HHIP: variants seen among roughly 807,000 people sequenced by gnomAD.
HHIP encodes hedgehog interacting protein.
In HHIP, 12 loss-of-function variants were observed where a neutral mutation model predicts 74.0. The observed-to-expected ratio is 0.16, with a 90% confidence interval of 0.10 to 0.26. The LOEUF (loss-of-function observed/expected upper bound fraction) is 0.26. Among genes scored for constraint, HHIP ranks in the 10% least tolerant of loss-of-function variants. The pLI is 1.00. For synonymous variants in HHIP, 309 were observed against 311.6 expected, an observed-to-expected ratio of 0.99 and a Z score of 0.09; for missense variants, 788 against 845.0, an observed-to-expected ratio of 0.93 and a Z score of 0.84.
chr4:144,674,348 A>C (rs2126611287), intron 4 of HHIP, among the ~76,000 whole-genome samples: 1 of 152,332 alleles, frequency 6.6e-6, no homozygotes, highest in South Asian at 2.1e-4. Flanking sequence ...TAAACTCAAT[A>C]TCTTATGTCA....
chr4:144,690,833 CA>C (rs1289442558), intron 4 of HHIP, among the ~76,000 whole-genome samples: 2 of 152,070 alleles, frequency 1.3e-5, no homozygotes, highest in South Asian at 2.1e-4. Flanking sequence ...CCAACAGAAA[CA>C]AAAAACTCTT....
In HHIP at chr4:144,672,161, T is replaced by C. The variant is rs563892491; in HGVS notation, c.831+12323T>C. ...GTCCAGGTTCAGAAACTGTGGGACA[T>C]ACTTTGCTTTATTTTGATTTTTTTC... On this transcript the variant is annotated intron_variant, in intron 4 of 12. Coordinates refer to ENST00000296575, the MANE Select transcript of HHIP (RefSeq NM_022475.3). Among the ~76,000 whole-genome samples the C allele has an allele frequency of 2.6e-5, 4 of 152,286 alleles. No individual in the cohort carries two copies. The East Asian group carries it at 7.7e-4, about 29-fold the overall frequency.
chr4:144,690,655 T>C (rs1243850710), intron 4 of HHIP, among the ~76,000 whole-genome samples: 3 of 152,178 alleles, frequency 2.0e-5, no homozygotes, highest in Admixed American at 6.5e-5. Flanking sequence ...TAAGACCATA[T>C]TGTAAAGTGT....
rs1293017982 is a variant in HHIP at position 144,659,048 on chromosome 4, T to C, written c.629+102T>C. The C allele has an allele frequency of 3.3e-6, 3 of 900,760 alleles. No individual in the cohort carries two copies. The African/African-American group carries it at 5.1e-5, about 15-fold the overall frequency. 55.8% of individuals were successfully genotyped at this position (900,760 alleles called of 1,614,324 possible). ...ACTGTCTGTGCTTATGTTCAGCAGC[T>C]ATATCCTCCAGATGCTTTAGTTTTT... is the stretch of plus-strand genomic sequence containing the variant. On this transcript the variant is annotated intron_variant, in intron 3 of 12. Coordinates refer to ENST00000296575, the MANE Select transcript of HHIP (RefSeq NM_022475.3).
At chr4:144,699,681 G>A (rs1482246539) in intron 4 of HHIP, among the ~76,000 whole-genome samples, 10 of 151,966 alleles carry the variant, frequency 6.6e-5, no homozygotes, top group Admixed American at 5.9e-4. Context: ...AAAAAAAAAT[G>A]CACTCCTATC....
intron 7 of HHIP, among the ~76,000 whole-genome samples, chr4:144,709,852 C>A (rs192109407): frequency 1.3e-3 from 195 of 152,266 alleles, no homozygotes; most frequent in African/African-American, 4.1e-3. Flanking sequence ...ACCCGTACCT[C>A]CACACATGCA....
rs1344299634 is a variant in HHIP at position 144,743,643 on chromosome 4, T to C, written c.*5686T>C. 6.6e-6 allele frequency: 1 copy of C among 152,034 alleles called. No individual in the cohort carries two copies. The highest frequency in any genetic ancestry group is 6.6e-5 in the Admixed American group (1 of 15,264). The allele number at this position is 152,034 out of a possible 1,614,324, so 9.4% of individuals were successfully genotyped here. On this transcript the variant is annotated 3_prime_UTR_variant, in exon 13 of 13. Coordinates refer to ENST00000296575, the MANE Select transcript of HHIP (RefSeq NM_022475.3). ...ATACATGTGTGTATATATATACATATATATGTAACTTAATATAAATGTTTG... is the reference window on the plus strand; with the variant it reads ...ATACATGTGTGTATATATATACATACATATGTAACTTAATATAAATGTTTG...
rs202074993 is a variant in HHIP, at chr4:144,659,774, C to A, written c.767C>A (p.Pro256His). The change falls in exon 4 of 13, where the codon CCT (proline) becomes CAT (histidine). Residue 256 changes from proline to histidine, a missense_variant. This residue lies in a region of HHIP where 373 missense variants were observed against 366.4 expected (regional missense o/e 1.02). Transcript: ENST00000296575. ...EKEGYVKILT[P>H]EGEIFKEPYL... ...GAAGGTTATGTGAAGATACTTACCC[C>A]TGAAGGAGAAATTTTCAAGGAGCCT... is the stretch of plus-strand genomic sequence containing the variant. 16 of 1,612,012 alleles carry A rather than the reference C, an allele frequency of 9.9e-6. No homozygotes were observed. In the African/African-American group the frequency reaches 1.3e-4, roughly 13 times the overall value.
At chr4:144,684,599 A>T (rs1156435629) in intron 4 of HHIP, among the ~76,000 whole-genome samples, 1 of 152,048 alleles carries the variant, frequency 6.6e-6, no homozygotes, top group Non-Finnish European at 1.5e-5. Flanking sequence ...CTTTGAAGAC[A>T]CTAGAATAAC....
intron 11 of HHIP, among the ~76,000 whole-genome samples, chr4:144,725,771 C>A (rs1457266077): frequency 2.6e-5 from 4 of 151,980 alleles, no homozygotes; most frequent in Non-Finnish European, 5.9e-5. Flanking sequence ...CGGGTTCAAG[C>A]GATTCTCCTG....
Position 144,734,780 on chromosome 4 carries a change from T to C in HHIP, c.1800T>C (p.Pro600=). The stretch of plus-strand genomic sequence containing the variant: ...AGGAATGCAGAGCCACGGTACAACC[T>C]GCACAGACACTGACTTCAGAGTGCT... ...MPEECRATVQ[P]AQTLTSECSR... is the part of the protein sequence containing the mutation. The change falls in exon 12 of 13, where the codon CCT becomes CCC. Residue 600 remains proline (P), a synonymous_variant. Coordinates refer to ENST00000296575, the MANE Select transcript of HHIP (RefSeq NM_022475.3). 1.2e-6 allele frequency: 2 copies of C among 1,610,416 alleles called. No homozygotes were observed. The highest frequency in any genetic ancestry group is 1.7e-6 in the Non-Finnish European group (2 of 1,177,222).
chr4:144,727,420 G>A (rs748789267), intron 11 of HHIP, among the ~76,000 whole-genome samples: 19 of 152,212 alleles, frequency 1.2e-4, no homozygotes, highest in Non-Finnish European at 1.9e-4. Context: ...CAAGCAGTCC[G>A]TAACAGCCCC....
chr4:144,710,405 T>G, intron 7 of HHIP, among the ~76,000 whole-genome samples: 1 of 152,192 alleles, frequency 6.6e-6, no homozygotes, highest in East Asian at 1.9e-4. Flanking sequence ...AACCCATCTT[T>G]GGCAGGTCAC....
In HHIP at chr4:144,720,953, G is replaced by A. The variant is rs185556977; in HGVS notation, c.1760+1997G>A. 1.4e-4 allele frequency among the ~76,000 whole-genome samples: 22 copies of A among 152,202 alleles called. No individual in the cohort carries two copies. The East Asian group carries it at 3.7e-3, about 25-fold the overall frequency. ...TAATTACAAGCACAGTAGTGTTCAG[G>A]AGGTCTGTGTTAGGGTAGAATTGTT... On this transcript the variant is annotated intron_variant, in intron 11 of 12. Coordinates refer to ENST00000296575, the MANE Select transcript of HHIP (RefSeq NM_022475.3).
At position 144,738,581 on chromosome 4, in the gene HHIP, GT is replaced by G; in HGVS notation, c.*628del. 1.3e-6 allele frequency: 1 copy of G among 786,202 alleles called. No individual in the cohort carries two copies. Among genetic ancestry groups the G allele is most frequent in the Non-Finnish European group, 1.5e-6 (1 of 648,520 alleles). The allele number at this position is 786,202 out of a possible 1,614,324, so 48.7% of individuals were successfully genotyped here. A position where few individuals can be genotyped will look rare whatever the true frequency, so the allele number is the denominator to read the frequency against. ...CTTAATCTCAAGATTGTTTTCAAGT[GT>G]TTTATAATTAAATCATAATAGCATA... On this transcript the variant is annotated 3_prime_UTR_variant, in exon 13 of 13. Coordinates refer to ENST00000296575, the MANE Select transcript of HHIP (RefSeq NM_022475.3).
At chr4:144,698,261 T>C (rs1492819) in intron 4 of HHIP, among the ~76,000 whole-genome samples, 71,406 of 151,980 alleles carry the variant, frequency 0.47, 17,864 homozygotes, top group South Asian at 0.73. Flanking sequence ...CCAACAGCAT[T>C]TGAAAATTGT....
At chr4:144,699,346 A>G (rs928461862) in intron 4 of HHIP, among the ~76,000 whole-genome samples, 1 of 152,198 alleles carries the variant, frequency 6.6e-6, no homozygotes, top group Non-Finnish European at 1.5e-5. Context: ...AGAGAGGCAT[A>G]AAACAAGATA....
chr4:144,734,837 C>G lies in HHIP; in HGVS notation c.1857C>G (p.Pro619=). 1 of 1,613,124 alleles carries G rather than the reference C, an allele frequency of 6.2e-7. No homozygotes were observed. The highest frequency in any genetic ancestry group is 1.1e-5 in the South Asian group (1 of 90,986). The stretch of plus-strand genomic sequence containing the variant: ...TCTGTCGAAACGGCTACTGCACCCC[C>G]ACGGGAAAGTGCTGCTGCAGTCCAG... ...SRLCRNGYCT[P]TGKCCCSPGW... Residue 619 remains proline, a synonymous_variant, in exon 12 of 13, where the codon CCC becomes CCG. Transcript: ENST00000296575.
At chr4:144,695,310 A>G (rs1729784830) in intron 4 of HHIP, among the ~76,000 whole-genome samples, 1 of 151,818 alleles carries the variant, frequency 6.6e-6, no homozygotes, top group African/African-American at 2.4e-5. Flanking sequence ...TCTTTAATGG[A>G]TATGCATGCT....
Sources: allele counts gnomAD v4.1 joint callset (sites outside exome capture counted in the v4.1 genomes callset), GRCh38; gene constraint gnomAD v4.1.1; regional missense constraint gnomAD v4.1.1; transcripts MANE v1.5; gene names NCBI Gene and HGNC (gene_info 2026-07-23, HGNC 2026-07-21).